HS3ST5: variants seen among roughly 807,000 people sequenced by gnomAD.
HS3ST5 encodes the protein heparan sulfate glucosamine 3-O-sulfotransferase 5.
HS3ST5 carries 10 observed loss-of-function variants against 25.4 expected under a neutral mutation model. The ratio of observed to expected loss-of-function variants is 0.39; its 90% CI spans 0.24 to 0.67. The LOEUF is 0.67. HS3ST5 is among the 30% of genes least tolerant of loss of function. The probability of loss-of-function intolerance (pLI) is 0.44; values close to 1 mark genes in which losing one functional copy is unlikely to be tolerated. For missense variants in HS3ST5, 324 were observed against 420.7 expected (o/e 0.77, Z 2.01); for synonymous variants, 170 against 162.4 (o/e 1.05, Z -0.36).
intron 2 of HS3ST5, among the ~76,000 whole-genome samples, chr6:114,218,822 T>A (rs1240477692): frequency 6.6e-6 from 1 of 152,192 alleles, no homozygotes; most frequent in Admixed American, 6.5e-5. Context: ...AAATCTATTT[T>A]TTTTTGCTTA....
chr6:114,183,403 G>T (rs958185140), intron 2 of HS3ST5, among the ~76,000 whole-genome samples: 2 of 152,146 alleles, frequency 1.3e-5, no homozygotes, highest in Admixed American at 1.3e-4. Context: ...TACCATGATT[G>T]TGAGGCCTCT....
chr6:114,263,087 G>T (rs1431478625), intron 1 of HS3ST5, among the ~76,000 whole-genome samples: 1 of 151,976 alleles, frequency 6.6e-6, no homozygotes, highest in Non-Finnish European at 1.5e-5. Context: ...GAAAATAAGG[G>T]ATAGGGAAAT....
intron 3 of HS3ST5, among the ~76,000 whole-genome samples, chr6:114,080,378 G>T (rs1774382827): frequency 6.6e-6 from 1 of 152,216 alleles, no homozygotes. Context: ...TTTAAAGTGA[G>T]AGACATCACA....
At position 114,273,522 on chromosome 6, in the gene HS3ST5, A is replaced by T. The variant is rs538178178; in HGVS notation, c.-338-44744T>A. ...GGAGTGAGAAGAGGAAAGAAAAGAC[A>T]TCCAGCGTCTGAGCCTTATGACACT... On this transcript the variant is annotated intron_variant, in intron 1 of 4. Transcript: ENST00000312719. Among the ~76,000 whole-genome samples, 7 of 152,212 alleles carry T rather than the reference A, an allele frequency of 4.6e-5. No homozygotes were observed. The South Asian group carries it at 1.5e-3, about 32-fold the overall frequency.
intron 3 of HS3ST5, among the ~76,000 whole-genome samples, chr6:114,100,581 A>C (rs543074993): frequency 6.6e-6 from 1 of 152,290 alleles, no homozygotes; most frequent in East Asian, 1.9e-4. Flanking sequence ...ATTTGCCGTT[A>C]ACATACCATG....
At chr6:114,076,465 T>TAA (rs1209686831) in intron 3 of HS3ST5, among the ~76,000 whole-genome samples, 5 of 152,244 alleles carry the variant, frequency 3.3e-5, no homozygotes, top group Non-Finnish European at 7.3e-5. Context: ...CAGTTTTAAA[T>TAA]AGTCCTGACC....
At chr6:114,308,218 A>AT (rs1775377712) in intron 1 of HS3ST5, among the ~76,000 whole-genome samples, 1 of 152,208 alleles carries the variant, frequency 6.6e-6, no homozygotes, top group African/African-American at 2.4e-5. Flanking sequence ...TCTCTGGAGC[A>AT]TAAGTCTCTT....
At chr6:114,227,178 A>C (rs1582736873) in intron 2 of HS3ST5, among the ~76,000 whole-genome samples, 1 of 148,174 alleles carries the variant, frequency 6.7e-6, no homozygotes, top group Non-Finnish European at 1.5e-5. Flanking sequence ...GCAAATGACT[A>C]TATTCAATTC....
intron 2 of HS3ST5, among the ~76,000 whole-genome samples, chr6:114,181,585 A>G (rs1014274609): frequency 6.6e-6 from 1 of 152,254 alleles, no homozygotes; most frequent in African/African-American, 2.4e-5. Context: ...CAAAGAAAAA[A>G]ATAACGCCTG....
At chr6:114,313,718 C>A (rs796750513) in intron 1 of HS3ST5, among the ~76,000 whole-genome samples, 34 of 152,246 alleles carry the variant, frequency 2.2e-4, no homozygotes, top group African/African-American at 8.2e-4. Flanking sequence ...TGTTCAATAT[C>A]TTGATTGTGG....
intron 3 of HS3ST5, among the ~76,000 whole-genome samples, chr6:114,110,383 A>G (rs1200078260): frequency 6.6e-6 from 1 of 152,000 alleles, no homozygotes; most frequent in Admixed American, 6.6e-5. Flanking sequence ...ACATGCATTA[A>G]TTATCCATTA....
At chr6:114,106,006 A>C (rs1775974307) in intron 3 of HS3ST5, among the ~76,000 whole-genome samples, 1 of 152,132 alleles carries the variant, frequency 6.6e-6, no homozygotes, top group African/African-American at 2.4e-5. Flanking sequence ...GTTGTTTTCG[A>C]TTTGGGCTCA....
intron 2 of HS3ST5, among the ~76,000 whole-genome samples, chr6:114,220,119 T>C (rs1384428382): frequency 6.6e-6 from 1 of 152,066 alleles, no homozygotes; most frequent in Non-Finnish European, 1.5e-5. Flanking sequence ...TGGAAATACA[T>C]ACGAAAATTC....
At chr6:114,223,947 T>C (rs927581010) in intron 2 of HS3ST5, among the ~76,000 whole-genome samples, 4 of 151,730 alleles carry the variant, frequency 2.6e-5, no homozygotes, top group Non-Finnish European at 5.9e-5. Context: ...GTTTATTTGC[T>C]GAACAAACTT....
chr6:114,166,904 C>T lies in HS3ST5; in HGVS notation c.-33+1447G>A, dbSNP rs189866226. ...AAAGGTATTTACAGTTAAGTGGAAA[C>T]ATTTCATCTTCTGATTATTTTTTAA... On this transcript the variant is annotated intron_variant, in intron 3 of 4. Coordinates refer to ENST00000312719, the MANE Select transcript of HS3ST5 (RefSeq NM_153612.4). Among the ~76,000 whole-genome samples the T allele has an allele frequency of 2.5e-4, 38 of 152,318 alleles. 1 individual carries two copies. The East Asian group carries it at 6.6e-3, about 26-fold the overall frequency.
intron 3 of HS3ST5, among the ~76,000 whole-genome samples, chr6:114,108,595 A>G (rs930654493): frequency 6.6e-6 from 1 of 152,152 alleles, no homozygotes; most frequent in Non-Finnish European, 1.5e-5. Flanking sequence ...AAAGCTCAAC[A>G]TGCTGACAGC....
chr6:114,156,785 C>T (rs1778717995), intron 3 of HS3ST5, among the ~76,000 whole-genome samples: 1 of 152,054 alleles, frequency 6.6e-6, no homozygotes, highest in African/African-American at 2.4e-5. Context: ...CATTTCCCTA[C>T]CATCTCTGTA....
chr6:114,284,110 G>A (rs2114750096), intron 1 of HS3ST5, among the ~76,000 whole-genome samples: 1 of 152,040 alleles, frequency 6.6e-6, no homozygotes, highest in East Asian at 1.9e-4. Context: ...CTTTAAAGAT[G>A]ATAAAATGAT....
rs113679665 is a variant in HS3ST5 at position 114,188,744 on chromosome 6, C to T, written c.-144-20282G>A. Among the ~76,000 whole-genome samples, 429 of 152,222 alleles carry T rather than the reference C, an allele frequency of 2.8e-3. 3 individuals are homozygous for T. Among genetic ancestry groups the T allele is most frequent in the African/African-American group, 9.9e-3 (413 of 41,552 alleles). On this transcript the variant is annotated intron_variant, in intron 2 of 4. Coordinates refer to ENST00000312719, the MANE Select transcript of HS3ST5 (RefSeq NM_153612.4). ...TTTCACACTCTCCCTACACTTACCA[C>T]GGAAGCACTTTCTGTCATCCTATTC...
Sources: gnomAD v4.1 joint callset for allele counts (sites outside exome capture counted in the v4.1 genomes callset) on GRCh38, gnomAD v4.1.1 for gene constraint, MANE v1.5 for transcripts, NCBI Gene and HGNC (gene_info 2026-07-23, HGNC 2026-07-21) for gene names.